The following CSTPP1 variants were observed in gnomAD, a reference collection of about 807,000 sequenced individuals.
CSTPP1 encodes the protein centriolar satellite-associated tubulin polyglutamylase complex regulator 1, also known as UPF0705 protein C11orf49.
the CSTPP1 span, chr11:47,137,801 T>C: frequency 6.9e-7 from 1 of 1,458,202 alleles, no homozygotes; most frequent in Non-Finnish European, 9.5e-7. Flanking sequence ...ACCTGGAGTG[T>C]ATACAAATGA....
At chr11:47,014,575 T>C in the CSTPP1 span, among the ~76,000 whole-genome samples, 1 of 151,714 alleles carries the variant, frequency 6.6e-6, no homozygotes, top group Non-Finnish European at 1.5e-5. Flanking sequence ...TGGTGGTGCA[T>C]GACTATAATC....
At chr11:46,943,552 A>G in the CSTPP1 span, among the ~76,000 whole-genome samples, 1 of 152,222 alleles carries the variant, frequency 6.6e-6, no homozygotes, top group African/African-American at 2.4e-5. Flanking sequence ...AGGGAATGGT[A>G]AAATTTCCAA....
chr11:47,134,690 C>T, the CSTPP1 span, among the ~76,000 whole-genome samples: 40 of 152,266 alleles, frequency 2.6e-4, no homozygotes, highest in Non-Finnish European at 1.2e-4. Flanking sequence ...GGACTGCTAC[C>T]TTGTTCATCA....
chr11:47,041,657 C>A, the CSTPP1 span: 1 of 442,070 alleles, frequency 2.3e-6, no homozygotes. Flanking sequence ...TCAAAGAACT[C>A]ACTGGGCAGC....
the CSTPP1 span, among the ~76,000 whole-genome samples, chr11:47,111,200 C>T: frequency 1.3e-5 from 2 of 152,096 alleles, no homozygotes; most frequent in Non-Finnish European, 2.9e-5. Context: ...CCTCAAGAGT[C>T]CTTCACCCAA....
the CSTPP1 span, among the ~76,000 whole-genome samples, chr11:47,163,612 G>C: frequency 1.3e-5 from 2 of 152,122 alleles, no homozygotes; most frequent in Non-Finnish European, 2.9e-5. Flanking sequence ...TCCCATTAAC[G>C]TCTAAGAGTA....
the CSTPP1 span, among the ~76,000 whole-genome samples, chr11:47,039,224 A>G: frequency 7.8e-6 from 1 of 127,824 alleles, no homozygotes; most frequent in Admixed American, 8.3e-5. Context: ...TTGAGCACGG[A>G]GTGAATGAGA....
the CSTPP1 span, among the ~76,000 whole-genome samples, chr11:47,148,393 C>T: frequency 2.0e-5 from 3 of 149,900 alleles, no homozygotes; most frequent in Non-Finnish European, 4.4e-5. Flanking sequence ...CCTTGACTTG[C>T]GGACACCCTT....
chr11:46,967,172 G>A, the CSTPP1 span, among the ~76,000 whole-genome samples: 2 of 152,094 alleles, frequency 1.3e-5, no homozygotes, highest in East Asian at 1.9e-4. Context: ...TCTTCTGGAA[G>A]TTTTATAGTT....
the CSTPP1 span, among the ~76,000 whole-genome samples, chr11:47,062,236 A>G: frequency 6.6e-6 from 1 of 152,204 alleles, no homozygotes; most frequent in Non-Finnish European, 1.5e-5. Context: ...CTTTATGAGT[A>G]CAGGAACCTT....
the CSTPP1 span, among the ~76,000 whole-genome samples, chr11:46,996,213 G>A: frequency 6.6e-6 from 1 of 151,942 alleles, no homozygotes; most frequent in Non-Finnish European, 1.5e-5. Flanking sequence ...CACACTGATG[G>A]GTCTTGACTC....
At chr11:47,138,015 A>G in the CSTPP1 span, 11 of 428,458 alleles carry the variant, frequency 2.6e-5, no homozygotes, top group Non-Finnish European at 4.2e-5. Flanking sequence ...CAATACCCCC[A>G]CACACACACA....
chr11:47,038,798 G>C, the CSTPP1 span, among the ~76,000 whole-genome samples: 2 of 116,940 alleles, frequency 1.7e-5, 1 homozygote, highest in Non-Finnish European at 4.1e-5. Context: ...GGCGGTTGCC[G>C]GGCGGAGGGG....
chr11:47,108,810 G>T, the CSTPP1 span, among the ~76,000 whole-genome samples: 1 of 150,326 alleles, frequency 6.7e-6, no homozygotes, highest in Middle Eastern at 3.4e-3. Flanking sequence ...GGGTTCAAGC[G>T]ATTCTCTTAC....
At chr11:46,944,289 G>C in the CSTPP1 span, among the ~76,000 whole-genome samples, 1 of 146,914 alleles carries the variant, frequency 6.8e-6, no homozygotes, top group Non-Finnish European at 1.5e-5. Flanking sequence ...CTGCACTCCA[G>C]CCTGGGTGAC....
At chr11:47,092,108 A>G in the CSTPP1 span, among the ~76,000 whole-genome samples, 3 of 152,286 alleles carry the variant, frequency 2.0e-5, no homozygotes, top group South Asian at 2.1e-4. Context: ...GTAACTGTTT[A>G]TTACTTCCAG....
At chr11:47,097,452 G>GGT in the CSTPP1 span, among the ~76,000 whole-genome samples, 2 of 25,140 alleles carry the variant, frequency 8.0e-5, no homozygotes, top group Non-Finnish European at 1.6e-4. Flanking sequence ...GGAGGGAGGT[G>GGT]GGGGGGGGTC....
At chr11:46,992,185 A>G in the CSTPP1 span, among the ~76,000 whole-genome samples, 2 of 152,104 alleles carry the variant, frequency 1.3e-5, no homozygotes, top group African/African-American at 4.8e-5. Flanking sequence ...TTTTGTTATA[A>G]TAAGGACTAC....
the CSTPP1 span, among the ~76,000 whole-genome samples, chr11:46,965,889 A>G: frequency 6.6e-6 from 1 of 152,206 alleles, no homozygotes; most frequent in Admixed American, 6.5e-5. Context: ...TCACAGGTCT[A>G]TGTGCACTAC....
Sources: gnomAD v4.1 joint callset for allele counts (sites outside exome capture counted in the v4.1 genomes callset) on GRCh38, gnomAD v4.1.1 for gene constraint, MANE v1.5 for transcripts, NCBI Gene and HGNC (gene_info 2026-07-23, HGNC 2026-07-21) for gene names.